The following DAAM1 variants were observed in gnomAD, a reference collection of about 807,000 sequenced individuals.
The protein encoded by DAAM1 is dishevelled associated activator of morphogenesis 1, also known as disheveled-associated activator of morphogenesis 1.
In DAAM1, 52 loss-of-function variants were observed where a neutral mutation model predicts 130.0. The observed-to-expected ratio is 0.40, with a 90% CI of 0.32 to 0.50. The LOEUF is 0.50. DAAM1 is among the 20% of genes least tolerant of loss of function. The pLI is 0.61. For missense variants in DAAM1, 1,134 were observed against 1,303.8 expected (o/e 0.87, Z 2.01); for synonymous variants, 452 against 444.5 (o/e 1.02, Z -0.21).
intron 15 of DAAM1, among the ~76,000 whole-genome samples, chr14:59,336,876 G>A (rs1245967933): frequency 4.6e-5 from 7 of 152,110 alleles, no homozygotes; most frequent in East Asian, 1.9e-4. Context: ...TATACACAAC[G>A]CATTACGTGA....
At chr14:59,208,008 C>A (rs908997079) in intron 1 of DAAM1, among the ~76,000 whole-genome samples, 1 of 152,120 alleles carries the variant, frequency 6.6e-6, no homozygotes, top group African/African-American at 2.4e-5. Context: ...CAGAAAAGTA[C>A]ATAGAAATAG....
chr14:59,200,200 T>C (rs1888056179), intron 1 of DAAM1, among the ~76,000 whole-genome samples: 1 of 152,168 alleles, frequency 6.6e-6, no homozygotes, highest in Non-Finnish European at 1.5e-5. Context: ...GAGACACTGA[T>C]GCTGGGTCAG....
chr14:59,234,234 T>A (rs1889214674), intron 1 of DAAM1, among the ~76,000 whole-genome samples: 1 of 152,156 alleles, frequency 6.6e-6, no homozygotes, highest in Admixed American at 6.5e-5. Flanking sequence ...GTGTGGCCAT[T>A]TTCATGTTGA....
At chr14:59,273,792 A>G (rs1882832210) in intron 2 of DAAM1, among the ~76,000 whole-genome samples, 1 of 152,252 alleles carries the variant, frequency 6.6e-6, no homozygotes, top group African/African-American at 2.4e-5. Context: ...AGTAATGGCT[A>G]GAAGGATCTG....
At position 59,355,204 on chromosome 14, in the gene DAAM1, C is replaced by T. The variant is rs540791565; in HGVS notation, c.2396C>T (p.Ala799Val). 9 of 1,613,872 alleles carry T rather than the reference C, an allele frequency of 5.6e-6. No individual in the cohort carries two copies. The highest frequency in any genetic ancestry group is 1.6e-4 in the Middle Eastern group (1 of 6,084). Residue 799 changes from alanine (A) to valine (V), a missense_variant, in exon 20 of 25, where the codon GCC becomes GTC. Physicochemically the swap from Ala to Val is moderately conservative, Grantham distance 64. This residue lies in a region of DAAM1 where 644 missense variants were observed against 695.9 expected (regional missense o/e 0.93). Coordinates refer to ENST00000360909, the MANE Select transcript of DAAM1 (RefSeq NM_001270520.2). ...SGSEEVFRSG[A>V]LKQLLEVVLA... is the part of the protein sequence containing the mutation. ...TCAGAAGAGGTGTTTAGGAGTGGTG[C>T]CCTCAAGCAGTTGCTGGAGGTGGTT... is the stretch of plus-strand genomic sequence containing the variant.
At position 59,338,850 on chromosome 14, in the gene DAAM1, C is replaced by G. The variant is rs1193270786; in HGVS notation, c.1969-1224C>G. Reference sequence around the variant, plus strand: ...ATTGTCTTCTGATAGTTATCAAGTACTTTTTATAGATTGCATAGGCTGCAG... The same window carrying G: ...ATTGTCTTCTGATAGTTATCAAGTAGTTTTTATAGATTGCATAGGCTGCAG... On this transcript the variant is annotated intron_variant, in intron 15 of 24. Transcript: ENST00000360909. Among the ~76,000 whole-genome samples the G allele has an allele frequency of 3.9e-5, 6 of 152,104 alleles. No homozygotes were observed. The East Asian group carries it at 1.2e-3, about 29-fold the overall frequency.
intron 1 of DAAM1, among the ~76,000 whole-genome samples, chr14:59,212,527 G>A (rs917581343): frequency 1.9e-4 from 29 of 152,194 alleles, no homozygotes; most frequent in Non-Finnish European, 3.4e-4. Context: ...ATTGTCTGGC[G>A]TAGCTTGGAG....
intron 1 of DAAM1, among the ~76,000 whole-genome samples, chr14:59,258,128 C>T (rs1165912758): frequency 6.6e-6 from 1 of 152,214 alleles, no homozygotes. Context: ...ATCCCTCTTC[C>T]CTTAGTGCCC....
chr14:59,298,212 A>G (rs1041489391), intron 3 of DAAM1, among the ~76,000 whole-genome samples: 3 of 152,246 alleles, frequency 2.0e-5, no homozygotes, highest in Non-Finnish European at 4.4e-5. Flanking sequence ...CAGCTTAGCC[A>G]ACTTGAACCT....
chr14:59,276,518 C>A (rs1393826381), intron 2 of DAAM1, among the ~76,000 whole-genome samples: 2 of 152,110 alleles, frequency 1.3e-5, no homozygotes, highest in African/African-American at 4.8e-5. Context: ...GAGGGTTAAA[C>A]TCAGAAAAGG....
At chr14:59,212,004 T>C (rs1888439549) in intron 1 of DAAM1, among the ~76,000 whole-genome samples, 1 of 152,230 alleles carries the variant, frequency 6.6e-6, no homozygotes, top group African/African-American at 2.4e-5. Context: ...TTAATTCTTA[T>C]TTTAAGTGAA....
intron 2 of DAAM1, among the ~76,000 whole-genome samples, chr14:59,267,617 C>T (rs1431462321): frequency 6.6e-6 from 1 of 152,186 alleles, no homozygotes; most frequent in African/African-American, 2.4e-5. Flanking sequence ...ACCAAAATCA[C>T]TTTTAGCAAT....
chr14:59,329,062 CTGAA>C lies in DAAM1; in HGVS notation c.1373-1436_1373-1433del, dbSNP rs145014363. Reference sequence around the variant, plus strand: ...GAAGTGCTCAATAAAAGCTTAGTGACTGAATGGTAAATAGATACCATTTGTGGAG... The same window carrying C: ...GAAGTGCTCAATAAAAGCTTAGTGACTGGTAAATAGATACCATTTGTGGAG... On this transcript the variant is annotated intron_variant, in intron 12 of 24. Transcript: ENST00000360909. 9.6e-3 allele frequency among the ~76,000 whole-genome samples: 1,461 copies of C among 152,270 alleles called. 26 individuals are homozygous for C. Among genetic ancestry groups the C allele is most frequent in the African/African-American group, 0.034 (1,401 of 41,546 alleles).
intron 8 of DAAM1, 125 bp from the exon 9 acceptor site, chr14:59,325,539 T>TA (rs1259566244): frequency 2.5e-6 from 2 of 802,342 alleles, no homozygotes; most frequent in African/African-American, 3.5e-5. Flanking sequence ...CAAATTTTGT[T>TA]ACATTGTTCC....
chr14:59,291,355 C>G, intron 3 of DAAM1, 49 bp downstream of exon 3: 1 of 1,422,038 alleles, frequency 7.0e-7, no homozygotes, highest in Non-Finnish European at 9.7e-7. Flanking sequence ...ATCATTGATT[C>G]CATTTGCTCT....
chr14:59,195,187 A>G (rs1887847782), intron 1 of DAAM1, among the ~76,000 whole-genome samples: 1 of 131,134 alleles, frequency 7.6e-6, no homozygotes. Flanking sequence ...TCTGTCGCCC[A>G]GGCTGGAGTG....
chr14:59,230,247 C>T (rs1024986710), intron 1 of DAAM1, among the ~76,000 whole-genome samples: 1 of 151,514 alleles, frequency 6.6e-6, no homozygotes, highest in African/African-American at 2.4e-5. Context: ...TGGGGCAGCA[C>T]AGAGACTCCT....
chr14:59,320,782 A>G (rs1455102565), intron 5 of DAAM1, among the ~76,000 whole-genome samples, 198 bp downstream of exon 5: 1 of 152,184 alleles, frequency 6.6e-6, no homozygotes, highest in Non-Finnish European at 1.5e-5. Context: ...AAAAAAAAAC[A>G]AAACAGAGAG....
At chr14:59,220,009 G>GA (rs1888720407) in intron 1 of DAAM1, among the ~76,000 whole-genome samples, 1 of 152,080 alleles carries the variant, frequency 6.6e-6, no homozygotes. Flanking sequence ...TATTGGTTTC[G>GA]AAAAATACAG....
Sources: gnomAD v4.1 joint callset for allele counts (sites outside exome capture counted in the v4.1 genomes callset) on GRCh38, gnomAD v4.1.1 for gene constraint, gnomAD v4.1.1 regional missense constraint, MANE v1.5 for transcripts, NCBI Gene and HGNC (gene_info 2026-07-23, HGNC 2026-07-21) for gene names.